The following ADAM23 variants were observed in gnomAD, a reference collection of about 807,000 sequenced individuals.
ADAM23 encodes the protein disintegrin and metalloproteinase domain-containing protein 23.
Under a neutral mutation model 120.1 loss-of-function variants are expected in ADAM23, and 33 were observed. The ratio of observed to expected loss-of-function variants is 0.27; its 90% CI spans 0.21 to 0.37. The LOEUF (loss-of-function observed/expected upper bound fraction) is 0.37. Among genes scored for constraint, ADAM23 ranks in the 10% least tolerant of loss-of-function variants. The pLI is 1.00. For missense variants in ADAM23, 862 were observed against 1,058.2 expected, an observed-to-expected ratio of 0.81 and a Z score of 2.57; for synonymous variants, 367 against 375.2, an observed-to-expected ratio of 0.98 and a Z score of 0.25.
intron 25 of ADAM23, among the ~76,000 whole-genome samples, chr2:206,613,610 C>T (rs143364455): frequency 6.5e-4 from 99 of 152,288 alleles, no homozygotes; most frequent in Middle Eastern, 6.8e-3. Flanking sequence ...TTGCAAACCT[C>T]TGTCCTAGTT....
intron 3 of ADAM23, among the ~76,000 whole-genome samples, chr2:206,497,438 G>A (rs1216393217): frequency 6.6e-6 from 1 of 152,134 alleles, no homozygotes; most frequent in African/African-American, 2.4e-5. Flanking sequence ...AAAGGCCTTT[G>A]AAAAAATTCA....
chr2:206,498,383 A>G (rs1317233029), intron 3 of ADAM23, among the ~76,000 whole-genome samples: 1 of 152,166 alleles, frequency 6.6e-6, no homozygotes, highest in Non-Finnish European at 1.5e-5. Flanking sequence ...CAAACCTGAC[A>G]AAAAGAAGAA....
chr2:206,485,755 A>G (rs954145253), intron 3 of ADAM23, among the ~76,000 whole-genome samples: 1 of 152,220 alleles, frequency 6.6e-6, no homozygotes, highest in African/African-American at 2.4e-5. Context: ...GCTTCATTCC[A>G]GAGGAGGAGG....
chr2:206,453,179 T>C (rs1695231625), intron 2 of ADAM23, among the ~76,000 whole-genome samples: 1 of 152,198 alleles, frequency 6.6e-6, no homozygotes, highest in Admixed American at 6.5e-5. Flanking sequence ...CAAAGGTCAG[T>C]CCATAGCAGG....
At chr2:206,583,678 A>G (rs1260461162) in intron 18 of ADAM23, among the ~76,000 whole-genome samples, 1 of 152,068 alleles carries the variant, frequency 6.6e-6, no homozygotes, top group East Asian at 1.9e-4. Flanking sequence ...AGCATTTCAC[A>G]TTCTAAAAAT....
chr2:206,484,600 G>A (rs528201979), intron 3 of ADAM23, among the ~76,000 whole-genome samples: 2 of 152,194 alleles, frequency 1.3e-5, no homozygotes, highest in South Asian at 2.1e-4. Flanking sequence ...TTAAGTATCA[G>A]GATCCAGTCT....
intron 2 of ADAM23, among the ~76,000 whole-genome samples, chr2:206,451,431 G>A (rs1695192158): frequency 6.6e-6 from 1 of 152,152 alleles, no homozygotes; most frequent in Non-Finnish European, 1.5e-5. Flanking sequence ...GTAGAGATGG[G>A]GTTTCACCAT....
At chr2:206,537,934 A>G (rs1697212916) in intron 4 of ADAM23, among the ~76,000 whole-genome samples, 4 of 152,314 alleles carry the variant, frequency 2.6e-5, no homozygotes, top group African/African-American at 9.6e-5. Flanking sequence ...TTGAGTATAA[A>G]GTTGAAATTA....
At chr2:206,498,172 A>C (rs955439247) in intron 3 of ADAM23, among the ~76,000 whole-genome samples, 14 of 152,194 alleles carry the variant, frequency 9.2e-5, no homozygotes, top group African/African-American at 3.4e-4. Flanking sequence ...TATGGAACCA[A>C]AAAAGAGCCC....
chr2:206,497,833 A>G (rs1696290485), intron 3 of ADAM23, among the ~76,000 whole-genome samples: 1 of 152,176 alleles, frequency 6.6e-6, no homozygotes, highest in African/African-American at 2.4e-5. Context: ...ATGTGCAAAA[A>G]TCACAAGCAT....
intron 3 of ADAM23, among the ~76,000 whole-genome samples, chr2:206,507,259 C>T (rs1463374220): frequency 1.3e-5 from 2 of 152,146 alleles, no homozygotes; most frequent in Non-Finnish European, 2.9e-5. Context: ...TTGTAATCCC[C>T]AGTGGTGGAG....
chr2:206,494,302 A>G lies in ADAM23; in HGVS notation c.509+12994A>G, dbSNP rs147209831. Among the ~76,000 whole-genome samples, 31 of 152,316 alleles carry G rather than the reference A, an allele frequency of 2.0e-4. No individual in the cohort carries two copies. The East Asian group carries it at 5.8e-3, about 28-fold the overall frequency. On this transcript the variant is annotated intron_variant, in intron 3 of 25. Coordinates refer to ENST00000264377, the MANE Select transcript of ADAM23 (RefSeq NM_003812.4). ...TTACTAGTGTCTGAGGCTCTCCCTT[A>G]TTACTGTTCATATTTATTCATTAAG...
At chr2:206,527,366 C>T (rs1258708930) in intron 3 of ADAM23, among the ~76,000 whole-genome samples, 1 of 152,164 alleles carries the variant, frequency 6.6e-6, no homozygotes, top group Non-Finnish European at 1.5e-5. Flanking sequence ...CATAGATTAC[C>T]GGTTCCTTCC....
At chr2:206,534,127 A>G (rs982657848) in intron 4 of ADAM23, among the ~76,000 whole-genome samples, 1 of 152,206 alleles carries the variant, frequency 6.6e-6, no homozygotes, top group African/African-American at 2.4e-5. Context: ...GAATATTTTC[A>G]TCACTGCATA....
intron 18 of ADAM23, among the ~76,000 whole-genome samples, chr2:206,578,150 A>G (rs1220048990): frequency 1.3e-5 from 2 of 149,146 alleles, no homozygotes; most frequent in Admixed American, 6.7e-5. Context: ...CTTTTGCATT[A>G]CTGTTGACTG....
chr2:206,536,183 T>G (rs1159080613), intron 4 of ADAM23, among the ~76,000 whole-genome samples: 1 of 152,168 alleles, frequency 6.6e-6, no homozygotes, highest in Non-Finnish European at 1.5e-5. Flanking sequence ...AATGCCAGGA[T>G]CTCCTTCTTT....
intron 3 of ADAM23, among the ~76,000 whole-genome samples, chr2:206,487,812 G>A (rs898825675): frequency 7.9e-5 from 12 of 152,170 alleles, no homozygotes; most frequent in African/African-American, 2.9e-4. Flanking sequence ...AGAGAGTGTG[G>A]TGATGTGACA....
intron 9 of ADAM23, among the ~76,000 whole-genome samples, chr2:206,553,248 T>C (rs1697571293): frequency 6.6e-6 from 1 of 151,788 alleles, no homozygotes; most frequent in Admixed American, 6.6e-5. Context: ...CACACACACA[T>C]ATACATACAC....
At chr2:206,560,723 A>G (rs952077429) in intron 11 of ADAM23, among the ~76,000 whole-genome samples, 6 of 152,180 alleles carry the variant, frequency 3.9e-5, no homozygotes, top group Non-Finnish European at 7.4e-5. Flanking sequence ...CAAACCAACC[A>G]AACCACTCCT....
Sources: gnomAD v4.1 joint callset for allele counts (sites outside exome capture counted in the v4.1 genomes callset) on GRCh38, gnomAD v4.1.1 for gene constraint, MANE v1.5 for transcripts, NCBI Gene and HGNC (gene_info 2026-07-23, HGNC 2026-07-21) for gene names.